Variants in APOL6 observed in about 807,000 individuals in gnomAD.
APOL6 encodes apolipoprotein L, 6.
Under a neutral mutation model 2.4 loss-of-function variants are expected in APOL6, and 1 was observed. That is an observed-to-expected ratio of 0.41 (90% confidence interval 0.15 to 1.94). The LOEUF (loss-of-function observed/expected upper bound fraction) is 1.94, where lower values mean the gene tolerates loss of function less well. APOL6 is among the 30% of genes most tolerant of loss of function. The pLI is 0.30. For synonymous variants in APOL6, 189 were observed against 169.3 expected, an observed-to-expected ratio of 1.12 and a Z score of -0.90; for missense variants, 438 against 429.2, an observed-to-expected ratio of 1.02 and a Z score of -0.18.
At chr22:35,651,732 CT>C (rs1171326730) in intron 1 of APOL6, among the ~76,000 whole-genome samples, 4 of 152,120 alleles carry the variant, frequency 2.6e-5, no homozygotes, top group Non-Finnish European at 4.4e-5. Context: ...CGAACTCATC[CT>C]TTTTTATGGC....
Position 35,659,494 on chromosome 22 carries a change from C to T in APOL6, c.930C>T (p.Thr310=). The T allele has an allele frequency of 1.2e-6, 2 of 1,614,136 alleles. No individual in the cohort carries two copies. Among genetic ancestry groups the T allele is most frequent in the Non-Finnish European group, 1.7e-6 (2 of 1,180,030 alleles). ...GGGTGGGGAAGGATTTAACTGGGAC[C>T]TGCGAAACCGAGGCTTACTGGAAGG... ...ARGVGKDLTG[T]CETEAYWKEL... Residue 310 remains threonine, a synonymous_variant, in exon 3 of 3, where the codon ACC becomes ACT. Coordinates refer to ENST00000409652, the MANE Select transcript of APOL6 (RefSeq NM_030641.4).
Position 35,658,898 on chromosome 22 carries a change from G to T in APOL6, c.334G>T (p.Ala112Ser), listed in dbSNP as rs200805851. 1 of 1,614,044 alleles carries T rather than the reference G, an allele frequency of 6.2e-7. No individual in the cohort carries two copies. The highest frequency in any genetic ancestry group is 8.5e-7 in the Non-Finnish European group (1 of 1,180,024). The change falls in exon 3 of 3, where the codon GCT (alanine) becomes TCT (serine). Residue 112 changes from alanine (A) to serine (S), a missense_variant. Transcript: ENST00000409652. ...AGGAGGAAGCCTGCTGCTCTCCACC[G>T]CTGGTCAAGGTTTGGCAACAGCAGC... ...TGGGSLLLST[A>S]GQGLATAAGV...
chr22:35,658,662 G>C lies in APOL6; in HGVS notation c.98G>C (p.Gly33Ala). The change falls in exon 3 of 3, where the codon GGA (glycine) becomes GCA (alanine). Residue 33 changes from glycine (G) to alanine (A), a missense_variant. Transcript: ENST00000409652. Reference sequence around the variant, plus strand: ...TGTGAAGACGTGGAGCTACAAGACGGAGATCTGTCCCCCGAAGAAAAAATA... The same window carrying C: ...TGTGAAGACGTGGAGCTACAAGACGCAGATCTGTCCCCCGAAGAAAAAATA... ...PLCEDVELQD[G>A]DLSPEEKIFL... The C allele has an allele frequency of 6.2e-7, 1 of 1,614,094 alleles. No individual in the cohort carries two copies. Among genetic ancestry groups the C allele is most frequent in the East Asian group, 2.2e-5 (1 of 44,880 alleles).
At position 35,663,568 on chromosome 22, in the gene APOL6, C is replaced by T. The variant is rs559523349; in HGVS notation, c.*3972C>T. 2.0e-5 allele frequency: 3 copies of T among 149,848 alleles called. No homozygotes were observed. Among genetic ancestry groups the T allele is most frequent in the Admixed American group, 6.6e-5 (1 of 15,046 alleles). The allele number at this position is 149,848 out of a possible 1,614,324, so 9.3% of individuals were successfully genotyped here. A position where few individuals can be genotyped will look rare whatever the true frequency, so the allele number is the denominator to read the frequency against. ...TCAGTTGACTGAATTCTGTTTTCAC[C>T]GGATTTTTTGACTAAAATAGCTATT... On this transcript the variant is annotated 3_prime_UTR_variant, in exon 3 of 3. Coordinates refer to ENST00000409652, the MANE Select transcript of APOL6 (RefSeq NM_030641.4).
Position 35,665,350 on chromosome 22 carries a change from A to G in APOL6, c.*5754A>G, listed in dbSNP as rs1925147538. The G allele has an allele frequency of 1.3e-5, 2 of 152,218 alleles. No individual in the cohort carries two copies. Among genetic ancestry groups the G allele is most frequent in the Admixed American group, 1.3e-4 (2 of 15,270 alleles). 9.4% of individuals were successfully genotyped at this position (152,218 alleles called of 1,614,324 possible). On this transcript the variant is annotated 3_prime_UTR_variant, in exon 3 of 3. Coordinates refer to ENST00000409652, the MANE Select transcript of APOL6 (RefSeq NM_030641.4). ...AAAGCCTCATCTTAAGGCCCCGTAG[A>G]AGATGCCAATCAAAATAAACTGCAT...
chr22:35,650,257 C>CA (rs2145952125), intron 1 of APOL6, among the ~76,000 whole-genome samples: 1 of 152,302 alleles, frequency 6.6e-6, no homozygotes, highest in South Asian at 2.1e-4. Flanking sequence ...AGCATTCATT[C>CA]TTTTTCATAG....
intron 1 of APOL6, among the ~76,000 whole-genome samples, chr22:35,652,629 C>T (rs1311903344): frequency 6.6e-6 from 1 of 152,204 alleles, no homozygotes; most frequent in Non-Finnish European, 1.5e-5. Context: ...AGCCAGTTTT[C>T]CCAGCACCAT....
chr22:35,652,361 G>A (rs1218550002), intron 1 of APOL6, among the ~76,000 whole-genome samples: 4 of 152,146 alleles, frequency 2.6e-5, no homozygotes, highest in African/African-American at 9.7e-5. Flanking sequence ...TGTTCGCTCT[G>A]ATGGTAGTTT....
rs747304252 is a variant in APOL6 at position 35,656,393 on chromosome 22, C to A, written c.-33C>A. On this transcript the variant is annotated 5_prime_UTR_variant, in exon 2 of 3. Coordinates refer to ENST00000409652, the MANE Select transcript of APOL6 (RefSeq NM_030641.4). ...TTCCTGACCAGAAAATCATTTGACT[C>A]CTGGGGACACAGATTTGCTGCCACA... 20 of 1,613,624 alleles carry A rather than the reference C, an allele frequency of 1.2e-5. No individual in the cohort carries two copies. The highest frequency in any genetic ancestry group is 1.7e-5 in the Admixed American group (1 of 60,004).
chr22:35,665,742 T>C lies in APOL6; in HGVS notation c.*6146T>C, dbSNP rs192361713. ...AGGGCTTCTTGTTTAGAAAGTTAAG[T>C]CACCTCTCTCAAAGAATGAAGGTTT... On this transcript the variant is annotated 3_prime_UTR_variant, in exon 3 of 3. Transcript: ENST00000409652. 1.2e-4 allele frequency: 18 copies of C among 152,352 alleles called. No homozygotes were observed. Among genetic ancestry groups the C allele is most frequent in the Admixed American group, 1.2e-3 (18 of 15,304 alleles). The allele number at this position is 152,352 out of a possible 1,614,324, so 9.4% of individuals were successfully genotyped here.
rs1355188731 is a variant in APOL6 at position 35,659,269 on chromosome 22, G to A, written c.705G>A (p.Val235=). Residue 235 remains valine, a synonymous_variant, in exon 3 of 3, where the codon GTG becomes GTA. Transcript: ENST00000409652. ...TTLAMTKNAR[V]LGGVMSAFSL... ...TGGCGATGACCAAAAATGCTCGCGTGCTGGGAGGTGTGATGTCCGCCTTCT... is the reference window on the plus strand; with the variant it reads ...TGGCGATGACCAAAAATGCTCGCGTACTGGGAGGTGTGATGTCCGCCTTCT... 6.2e-7 allele frequency: 1 copy of A among 1,614,192 alleles called. No homozygotes were observed.
chr22:35,658,745 C>T lies in APOL6; in HGVS notation c.181C>T (p.Arg61Cys), dbSNP rs149349834. The T allele has an allele frequency of 4.8e-5, 78 of 1,614,152 alleles. No individual in the cohort carries two copies. Among genetic ancestry groups the T allele is most frequent in the South Asian group, 2.6e-4 (24 of 91,082 alleles). ...TCTGAAAGGGAACATTGACAAGCTC[C>T]GTGCCCTCGCAGACGATATTGACAA... ...EDLKGNIDKL[R>C]ALADDIDKTH... The change falls in exon 3 of 3, where the codon CGT becomes TGT. Residue 61 changes from arginine (R) to cysteine (C), a missense_variant. Arg to Cys is a radical substitution (Grantham distance 180, BLOSUM62 -3). Transcript: ENST00000409652.
At position 35,667,397 on chromosome 22, in the gene APOL6, C is replaced by G. The variant is rs1925216364; in HGVS notation, c.*7801C>G. On this transcript the variant is annotated 3_prime_UTR_variant, in exon 3 of 3. Coordinates refer to ENST00000409652, the MANE Select transcript of APOL6 (RefSeq NM_030641.4). ...CAGTTCATTGGTAGAGATGCCATCA[C>G]TGGGCAAGTGTTCTGAAAACATCTT... 6.6e-6 allele frequency: 1 copy of G among 152,190 alleles called. No individual in the cohort carries two copies. The highest frequency in any genetic ancestry group is 2.4e-5 in the African/African-American group (1 of 41,444). 9.4% of individuals were successfully genotyped at this position (152,190 alleles called of 1,614,324 possible).
rs2145952244 is a variant in APOL6 at position 35,650,465 on chromosome 22, A to G, written c.-48+1842A>G. On this transcript the variant is annotated intron_variant, in intron 1 of 2. Coordinates refer to ENST00000409652, the MANE Select transcript of APOL6 (RefSeq NM_030641.4). Reference sequence around the variant, plus strand: ...ATGTATCGCCTGGGGAACTACTAAGATACAATGTTAGGTGACAAGAATTCA... The same window carrying G: ...ATGTATCGCCTGGGGAACTACTAAGGTACAATGTTAGGTGACAAGAATTCA... 2.0e-5 allele frequency among the ~76,000 whole-genome samples: 3 copies of G among 152,358 alleles called. No homozygotes were observed. The Middle Eastern group carries it at 0.01, about 518-fold the overall frequency.
intron 1 of APOL6, 59 bp from the exon 2 acceptor site, chr22:35,656,319 TG>T (rs750187456): frequency 5.2e-6 from 7 of 1,345,090 alleles, no homozygotes; most frequent in Non-Finnish European, 7.5e-6. Context: ...CCTCCACACC[TG>T]AATTTCATAA....
intron 1 of APOL6, among the ~76,000 whole-genome samples, chr22:35,656,106 A>T (rs536391058): frequency 3.9e-5 from 6 of 152,220 alleles, no homozygotes; most frequent in Non-Finnish European, 8.8e-5. Flanking sequence ...GGCTCAAAAT[A>T]ATCCTTATGC....
In APOL6 at chr22:35,658,749, C is replaced by A; in HGVS notation, c.185C>A (p.Ala62Asp). Reference protein sequence around the residue: ...DLKGNIDKLRALADDIDKTHK... With the variant: ...DLKGNIDKLRDLADDIDKTHK... ...AAAGGGAACATTGACAAGCTCCGTGCCCTCGCAGACGATATTGACAAAACC... is the reference window on the plus strand; with the variant it reads ...AAAGGGAACATTGACAAGCTCCGTGACCTCGCAGACGATATTGACAAAACC... The change falls in exon 3 of 3, where the codon GCC becomes GAC. Residue 62 changes from alanine to aspartate, a missense_variant. By Grantham distance (126) the Ala-to-Asp change is moderately radical. Transcript: ENST00000409652. 1 of 1,614,152 alleles carries A rather than the reference C, an allele frequency of 6.2e-7. No individual in the cohort carries two copies. Among genetic ancestry groups the A allele is most frequent in the South Asian group, 1.1e-5 (1 of 91,076 alleles).
chr22:35,648,793 TCTC>T (rs752969343), intron 1 of APOL6, among the ~76,000 whole-genome samples, 170 bp downstream of exon 1: 21 of 152,340 alleles, frequency 1.4e-4, no homozygotes, highest in Non-Finnish European at 2.2e-4. Flanking sequence ...AGGATTAACT[TCTC>T]CTGTGTTAAT....
Position 35,659,879 on chromosome 22 carries a change from C to T in APOL6, c.*283C>T, listed in dbSNP as rs922905263. 3.6e-5 allele frequency: 13 copies of T among 363,276 alleles called. No homozygotes were observed. The highest frequency in any genetic ancestry group is 6.0e-5 in the Non-Finnish European group (12 of 199,974). 22.5% of individuals were successfully genotyped at this position (363,276 alleles called of 1,614,324 possible). ...CTCCTGAGTGCAAGCAAGTCTCCTG[C>T]CTCAGCCTCCCAAGTAGCTGGGATT... On this transcript the variant is annotated 3_prime_UTR_variant, in exon 3 of 3. Transcript: ENST00000409652.
Sources: gnomAD v4.1 joint callset for allele counts (sites outside exome capture counted in the v4.1 genomes callset) on GRCh38, gnomAD v4.1.1 for gene constraint, MANE v1.5 for transcripts, NCBI Gene and HGNC (gene_info 2026-07-23, HGNC 2026-07-21) for gene names.